The following MAP7 variants were observed in gnomAD, a reference collection of about 807,000 sequenced individuals.
MAP7 encodes microtubule associated protein 7, also known as ensconsin.
In MAP7, 52 loss-of-function variants were observed where a neutral mutation model predicts 94.8. The ratio of observed to expected loss-of-function variants is 0.55; its 90% CI spans 0.44 to 0.69. MAP7 has a LOEUF of 0.69. Ranked by LOEUF, MAP7 falls within the 30% of genes least tolerant of loss-of-function variation. The pLI, the probability that MAP7 is intolerant of heterozygous loss-of-function variation, is 0.00. For missense variants in MAP7, 940 were observed against 964.6 expected (o/e 0.97, Z 0.34); for synonymous variants, 350 against 357.0 (o/e 0.98, Z 0.22).
chr6:136,466,998 G>T, intron 1 of MAP7: 1 of 1,039,418 alleles, frequency 9.6e-7, no homozygotes, highest in Non-Finnish European at 1.3e-6. Flanking sequence ...CAGTAACCGT[G>T]TTCACTGAAC....
intron 8 of MAP7, among the ~76,000 whole-genome samples, chr6:136,367,306 A>C (rs1794583047): frequency 6.6e-6 from 1 of 152,224 alleles, no homozygotes; most frequent in Non-Finnish European, 1.5e-5. Flanking sequence ...CAATGCCCTC[A>C]GGTGGGAGGG....
rs747879073 is a variant in MAP7 at position 136,359,993 on chromosome 6, T to C, written c.1842A>G (p.Glu614=). Residue 614 remains glutamate, a synonymous_variant, in exon 14 of 18, where the codon GAA becomes GAG. Transcript: ENST00000354570. ...GCCATGTCAATACCTTATCTGTAGC[T>C]TCTGTTCTCCTGGTTCTTTTCATAA... is the stretch of plus-strand genomic sequence containing the variant. The part of the protein sequence containing the change: ...EEIMKRTRRT[E]ATDKKTSDQR... 2 of 1,613,488 alleles carry C rather than the reference T, an allele frequency of 1.2e-6. No homozygotes were observed. Among genetic ancestry groups the C allele is most frequent in the Non-Finnish European group, 1.7e-6 (2 of 1,179,884 alleles).
chr6:136,424,050 G>A (rs980449568), intron 1 of MAP7, among the ~76,000 whole-genome samples: 5 of 151,686 alleles, frequency 3.3e-5, no homozygotes, highest in East Asian at 1.9e-4. Flanking sequence ...TGCCTGCCTC[G>A]GCCTCCCAAA....
intron 1 of MAP7, among the ~76,000 whole-genome samples, chr6:136,441,322 T>C (rs1181744822): frequency 1.3e-5 from 2 of 152,194 alleles, no homozygotes. Flanking sequence ...ACCACTTATA[T>C]GCAACTCCAT....
intron 8 of MAP7, among the ~76,000 whole-genome samples, chr6:136,369,645 A>C (rs1401463628): frequency 6.6e-6 from 1 of 152,214 alleles, no homozygotes; most frequent in Non-Finnish European, 1.5e-5. Context: ...ATATGGTCAA[A>C]AGCTAACACC....
chr6:136,363,083 C>T (rs188210195), intron 10 of MAP7, among the ~76,000 whole-genome samples: 6 of 152,196 alleles, frequency 3.9e-5, no homozygotes, highest in East Asian at 1.9e-4. Context: ...TCCTACTCTT[C>T]GGTAACCATT....
At chr6:136,455,378 C>A (rs1419954826) in intron 1 of MAP7, among the ~76,000 whole-genome samples, 1 of 151,854 alleles carries the variant, frequency 6.6e-6, no homozygotes, top group Admixed American at 6.6e-5. Flanking sequence ...AAACACAATA[C>A]AATAGTAGGA....
intron 1 of MAP7, among the ~76,000 whole-genome samples, chr6:136,546,981 T>G (rs1829788439): frequency 6.6e-6 from 1 of 152,194 alleles, no homozygotes; most frequent in African/African-American, 2.4e-5. Context: ...TAGCAAGATG[T>G]AAAGGTAACA....
chr6:136,360,662 T>C, intron 13 of MAP7, 35 bp downstream of exon 13: 1 of 1,595,030 alleles, frequency 6.3e-7, no homozygotes, highest in Non-Finnish European at 8.6e-7. Flanking sequence ...AGGTGCAAGT[T>C]CGCGTCCCGG....
At chr6:136,427,556 TCTGA>T (rs1177167626) in intron 1 of MAP7, among the ~76,000 whole-genome samples, 2 of 152,224 alleles carry the variant, frequency 1.3e-5, no homozygotes, top group African/African-American at 4.8e-5. Flanking sequence ...CCACATTCAA[TCTGA>T]CTGACATTTT....
At chr6:136,395,571 T>C in intron 3 of MAP7, among the ~76,000 whole-genome samples, 1 of 152,156 alleles carries the variant, frequency 6.6e-6, no homozygotes, top group East Asian at 1.9e-4. Flanking sequence ...TGTAATCCTA[T>C]TTGTCTATTT....
chr6:136,363,411 C>G (rs1201300436), intron 10 of MAP7, among the ~76,000 whole-genome samples: 1 of 152,260 alleles, frequency 6.6e-6, no homozygotes, highest in Non-Finnish European at 1.5e-5. Flanking sequence ...AGTGCAAGCT[C>G]TGGCCCCTGG....
At chr6:136,480,159 G>T (rs1007165796) in intron 1 of MAP7, among the ~76,000 whole-genome samples, 2 of 152,026 alleles carry the variant, frequency 1.3e-5, no homozygotes, top group Admixed American at 6.6e-5. Context: ...CAGAACAATG[G>T]AACAGAATAG....
chr6:136,513,806 C>T (rs917227154), intron 1 of MAP7, among the ~76,000 whole-genome samples: 11 of 152,142 alleles, frequency 7.2e-5, no homozygotes, highest in Admixed American at 3.3e-4. Context: ...CAGGGGATCA[C>T]GGCCCATTGT....
At chr6:136,529,427 A>G (rs1828294195) in intron 1 of MAP7, among the ~76,000 whole-genome samples, 1 of 151,950 alleles carries the variant, frequency 6.6e-6, no homozygotes, top group Non-Finnish European at 1.5e-5. Context: ...AGCCTCCTGA[A>G]CTCTTCTCCA....
intron 1 of MAP7, among the ~76,000 whole-genome samples, chr6:136,453,443 T>G (rs1281681872): frequency 6.6e-6 from 1 of 152,246 alleles, no homozygotes; most frequent in Non-Finnish European, 1.5e-5. Context: ...TAGCTAACAG[T>G]GACAGTCTTT....
chr6:136,441,277 T>C (rs1029873529), intron 1 of MAP7, among the ~76,000 whole-genome samples: 4 of 152,216 alleles, frequency 2.6e-5, no homozygotes, highest in Non-Finnish European at 5.9e-5. Flanking sequence ...TATATTTTAA[T>C]ATTTTATCAT....
intron 8 of MAP7, among the ~76,000 whole-genome samples, 159 bp downstream of exon 8, chr6:136,372,342 T>A (rs1232634693): frequency 1.3e-5 from 2 of 152,182 alleles, no homozygotes; most frequent in African/African-American, 2.4e-5. Context: ...GGGACACTAC[T>A]GCCCAGCTAG....
intron 16 of MAP7, 70 bp downstream of exon 16, chr6:136,356,622 T>C (rs1449653824): frequency 7.9e-7 from 1 of 1,265,992 alleles, no homozygotes; most frequent in Non-Finnish European, 1.1e-6. Context: ...GTTAAGACTT[T>C]GAAATTCTGG....
Sources: gnomAD v4.1 joint callset for allele counts (sites outside exome capture counted in the v4.1 genomes callset) on GRCh38, gnomAD v4.1.1 for gene constraint, MANE v1.5 for transcripts, NCBI Gene and HGNC (gene_info 2026-07-23, HGNC 2026-07-21) for gene names.